The following ADGRB3 variants were observed in gnomAD, a reference collection of about 807,000 sequenced individuals.
ADGRB3 encodes adhesion G protein-coupled receptor B3, also known as brain-specific angiogenesis inhibitor 3.
In ADGRB3, 37 loss-of-function variants were observed where a neutral mutation model predicts 193.4. The observed-to-expected ratio is 0.19, with a 90% CI of 0.15 to 0.25. The LOEUF (loss-of-function observed/expected upper bound fraction) is 0.25. ADGRB3 is among the 10% of genes least tolerant of loss of function. The pLI is 1.00. For synonymous variants in ADGRB3, 690 were observed against 644.2 expected (o/e 1.07, Z -1.08); for missense variants, 1,637 against 1,852.9 (o/e 0.88, Z 2.14).
At chr6:69,081,841 CA>C (rs1196150166) in intron 17 of ADGRB3, among the ~76,000 whole-genome samples, 3 of 152,058 alleles carry the variant, frequency 2.0e-5, no homozygotes, top group Admixed American at 6.6e-5. Context: ...ATATTATTAG[CA>C]ACCCATTATG....
chr6:69,382,257 T>C (rs1158608256), intron 30 of ADGRB3, among the ~76,000 whole-genome samples: 2 of 151,868 alleles, frequency 1.3e-5, no homozygotes, highest in Non-Finnish European at 2.9e-5. Flanking sequence ...GGGTCAGATT[T>C]TCCCCCTAAG....
At chr6:69,020,712 A>T (rs1015322155) in intron 13 of ADGRB3, among the ~76,000 whole-genome samples, 4 of 151,946 alleles carry the variant, frequency 2.6e-5, no homozygotes, top group Non-Finnish European at 5.9e-5. Context: ...AAAATTCTAA[A>T]CATTATTTAT....
intron 20 of ADGRB3, among the ~76,000 whole-genome samples, chr6:69,268,427 T>C (rs903022914): frequency 6.6e-6 from 1 of 152,164 alleles, no homozygotes; most frequent in Admixed American, 6.6e-5. Flanking sequence ...TTTGACATTA[T>C]ATCCAGTTGA....
chr6:69,089,586 T>C (rs1772648476), intron 17 of ADGRB3, among the ~76,000 whole-genome samples: 1 of 152,214 alleles, frequency 6.6e-6, no homozygotes, highest in Non-Finnish European at 1.5e-5. Flanking sequence ...AAAAACTTAT[T>C]GCTGATAAAG....
intron 3 of ADGRB3, among the ~76,000 whole-genome samples, chr6:68,666,637 A>C (rs1768807980): frequency 6.7e-6 from 1 of 149,854 alleles, no homozygotes; most frequent in Non-Finnish European, 1.5e-5. Context: ...ATTTCTCTGA[A>C]ATTAAGAATT....
At chr6:68,946,595 G>A (rs1352135627) in intron 6 of ADGRB3, among the ~76,000 whole-genome samples, 1 of 152,104 alleles carries the variant, frequency 6.6e-6, no homozygotes, top group Non-Finnish European at 1.5e-5. Context: ...AGCTATGATA[G>A]GTACATCAGC....
intron 17 of ADGRB3, among the ~76,000 whole-genome samples, chr6:69,192,846 C>A (rs1765222184): frequency 6.6e-6 from 1 of 152,052 alleles, no homozygotes; most frequent in Non-Finnish European, 1.5e-5. Context: ...AACATATTTC[C>A]AGCTTACTTA....
rs141922896 is a variant in ADGRB3, at chr6:69,309,302, T to C, written c.2815-15570T>C. Among the ~76,000 whole-genome samples, 235 of 151,802 alleles carry C rather than the reference T, an allele frequency of 1.5e-3. 1 individual carries two copies. The highest frequency in any genetic ancestry group is 6.3e-3 in the East Asian group (32 of 5,116). On this transcript the variant is annotated intron_variant, in intron 20 of 31. Transcript: ENST00000370598. ...GAATTTTCAACAGATAATGTGATGA[T>C]ACAAGACAAAGTGATTTTGAATTCA...
intron 13 of ADGRB3, among the ~76,000 whole-genome samples, chr6:69,021,297 A>G (rs865860139): frequency 1.7e-4 from 26 of 152,070 alleles, no homozygotes; most frequent in Admixed American, 1.4e-3. Flanking sequence ...GTCTATATGT[A>G]TAGCTGCCTC....
At chr6:69,113,894 G>A (rs1773446539) in intron 17 of ADGRB3, among the ~76,000 whole-genome samples, 1 of 152,126 alleles carries the variant, frequency 6.6e-6, no homozygotes, top group Non-Finnish European at 1.5e-5. Flanking sequence ...GGGTGGCTGA[G>A]TTTATACAGC....
intron 3 of ADGRB3, among the ~76,000 whole-genome samples, chr6:68,648,612 C>T (rs1768272861): frequency 6.6e-6 from 1 of 150,406 alleles, no homozygotes; most frequent in Non-Finnish European, 1.5e-5. Flanking sequence ...GTGGAGTCAA[C>T]CACGGAAGAT....
chr6:69,175,784 C>T (rs955270642), intron 17 of ADGRB3, among the ~76,000 whole-genome samples: 10 of 152,058 alleles, frequency 6.6e-5, no homozygotes, highest in African/African-American at 2.4e-4. Context: ...AATGTTTTTT[C>T]CATTTGTTTG....
chr6:68,794,318 T>A (rs1767166169), intron 3 of ADGRB3, among the ~76,000 whole-genome samples: 1 of 151,828 alleles, frequency 6.6e-6, no homozygotes, highest in South Asian at 2.1e-4. Flanking sequence ...TATATATATA[T>A]AAAATACACA....
chr6:68,714,534 C>A (rs971217676), intron 3 of ADGRB3, among the ~76,000 whole-genome samples: 1 of 151,628 alleles, frequency 6.6e-6, no homozygotes, highest in South Asian at 2.1e-4. Context: ...TTCTGTGTAC[C>A]ACAAAACATT....
intron 3 of ADGRB3, among the ~76,000 whole-genome samples, chr6:68,710,704 A>G (rs1392799037): frequency 6.6e-6 from 1 of 152,108 alleles, no homozygotes; most frequent in Non-Finnish European, 1.5e-5. Flanking sequence ...TGTAGAAACT[A>G]CTGATGATTA....
chr6:69,313,237 A>T (rs1214519265), intron 20 of ADGRB3, among the ~76,000 whole-genome samples: 2 of 151,844 alleles, frequency 1.3e-5, no homozygotes, highest in Admixed American at 1.3e-4. Flanking sequence ...GCACTAATAG[A>T]TCCATAGTTG....
intron 17 of ADGRB3, among the ~76,000 whole-genome samples, chr6:69,182,014 C>CA (rs1029070970): frequency 6.6e-6 from 1 of 152,046 alleles, no homozygotes; most frequent in Non-Finnish European, 1.5e-5. Flanking sequence ...TTGTTCATCG[C>CA]AAAAATTGGC....
intron 17 of ADGRB3, among the ~76,000 whole-genome samples, chr6:69,140,675 A>G (rs569993856): frequency 3.3e-5 from 5 of 152,362 alleles, no homozygotes; most frequent in Admixed American, 1.3e-4. Context: ...GTAACACAAA[A>G]GATAAATGTT....
At chr6:69,114,100 T>A (rs1198788809) in intron 17 of ADGRB3, among the ~76,000 whole-genome samples, 2 of 152,290 alleles carry the variant, frequency 1.3e-5, no homozygotes, top group East Asian at 3.9e-4. Flanking sequence ...GTAATTTTGT[T>A]TAAGCCACTA....
Sources: gnomAD v4.1 joint callset for allele counts (sites outside exome capture counted in the v4.1 genomes callset) on GRCh38, gnomAD v4.1.1 for gene constraint, MANE v1.5 for transcripts, NCBI Gene and HGNC (gene_info 2026-07-23, HGNC 2026-07-21) for gene names.